GRM5: variants seen among roughly 807,000 people sequenced by gnomAD.
GRM5 encodes the protein metabotropic glutamate receptor 5.
A neutral mutation model predicts 83.1 loss-of-function variants in GRM5; 19 were observed. The observed-to-expected ratio is 0.23, with a 90% CI of 0.16 to 0.34. GRM5 has a LOEUF of 0.34. Among genes scored for constraint, GRM5 ranks in the 10% least tolerant of loss-of-function variants. The pLI, the probability that GRM5 is intolerant of heterozygous loss-of-function variation, is 1.00. For synonymous variants in GRM5, 675 were observed against 633.6 expected (o/e 1.07, Z -0.98); for missense variants, 1,160 against 1,588.3 (o/e 0.73, Z 4.58).
intron 3 of GRM5, among the ~76,000 whole-genome samples, chr11:88,824,662 A>G (rs377281452): frequency 2.0e-4 from 31 of 152,224 alleles, no homozygotes; most frequent in African/African-American, 7.5e-4. Flanking sequence ...TAATGCTACC[A>G]CTGATCTGAC....
At chr11:88,744,672 T>C (rs867285767) in intron 3 of GRM5, among the ~76,000 whole-genome samples, 5 of 152,138 alleles carry the variant, frequency 3.3e-5, no homozygotes, top group Non-Finnish European at 7.4e-5. Context: ...TACTGCACCA[T>C]GATGCCTTCC....
At chr11:88,920,644 A>G (rs1175036930) in intron 2 of GRM5, among the ~76,000 whole-genome samples, 1 of 152,206 alleles carries the variant, frequency 6.6e-6, no homozygotes, top group Non-Finnish European at 1.5e-5. Context: ...AAAATGCAGG[A>G]CAATATCTCT....
At position 88,767,648 on chromosome 11, in the gene GRM5, C is replaced by T. The variant is rs139413995; in HGVS notation, c.911+82258G>A. On this transcript the variant is annotated intron_variant, in intron 3 of 9. Coordinates refer to ENST00000305447, the MANE Select transcript of GRM5 (RefSeq NM_001143831.3). ...ACAAGAACACATGGATACTAGGAGG[C>T]GAACAACGGACATTGGGACCTACTT... is the stretch of plus-strand genomic sequence containing the variant. Among the ~76,000 whole-genome samples the T allele has an allele frequency of 6.2e-4, 94 of 151,848 alleles. 1 individual carries two copies. The highest frequency in any genetic ancestry group is 2.1e-3 in the African/African-American group (86 of 41,478).
At chr11:89,022,022 A>G (rs1940997365) in intron 2 of GRM5, among the ~76,000 whole-genome samples, 1 of 152,174 alleles carries the variant, frequency 6.6e-6, no homozygotes, top group Non-Finnish European at 1.5e-5. Flanking sequence ...AAAACAAAAC[A>G]GAGTTTTGTG....
intron 3 of GRM5, among the ~76,000 whole-genome samples, chr11:88,687,501 TACACACAC>T (rs1231774121): frequency 4.2e-5 from 2 of 47,772 alleles, no homozygotes; most frequent in Non-Finnish European, 6.7e-5. Flanking sequence ...AAACAAAAAA[TACACACAC>T]ACACACACAC....
chr11:88,671,244 C>T (rs1280234475), intron 3 of GRM5, among the ~76,000 whole-genome samples: 1 of 151,924 alleles, frequency 6.6e-6, no homozygotes, highest in Non-Finnish European at 1.5e-5. Context: ...AAGATAACCT[C>T]CCCTTCTCCC....
chr11:88,600,182 A>C, intron 5 of GRM5, among the ~76,000 whole-genome samples: 1 of 148,832 alleles, frequency 6.7e-6, no homozygotes, highest in Non-Finnish European at 1.5e-5. Flanking sequence ...TCTCCTTCCC[A>C]TCTCCTTCCT....
intron 3 of GRM5, among the ~76,000 whole-genome samples, chr11:88,703,244 T>C (rs937857008): frequency 6.6e-6 from 1 of 151,998 alleles, no homozygotes; most frequent in Non-Finnish European, 1.5e-5. Context: ...ATAATCAAGA[T>C]CACTAAGACA....
intron 8 of GRM5, among the ~76,000 whole-genome samples, chr11:88,543,463 C>T (rs977041927): frequency 2.0e-5 from 3 of 151,962 alleles, no homozygotes; most frequent in Admixed American, 2.0e-4. Context: ...ATGTATGTAT[C>T]CCAGTGCCCA....
At chr11:88,753,238 G>A (rs1009562600) in intron 3 of GRM5, among the ~76,000 whole-genome samples, 5 of 151,952 alleles carry the variant, frequency 3.3e-5, no homozygotes, top group Admixed American at 2.6e-4. Flanking sequence ...ATTCTACAAG[G>A]AACTTAAACA....
At position 88,806,234 on chromosome 11, in the gene GRM5, C is replaced by T. The variant is rs199703527; in HGVS notation, c.911+43672G>A. ...AAGAGATTCTGATTCAGTAGGTCCA[C>T]AGGGAGGAGGAGAGCAAGAAAATGT... On this transcript the variant is annotated intron_variant, in intron 3 of 9. Transcript: ENST00000305447. 5.9e-5 allele frequency among the ~76,000 whole-genome samples: 9 copies of T among 152,256 alleles called. No homozygotes were observed. In the East Asian group the frequency reaches 9.6e-4, roughly 16 times the overall value.
At chr11:88,783,915 A>G (rs1943019984) in intron 3 of GRM5, among the ~76,000 whole-genome samples, 1 of 152,046 alleles carries the variant, frequency 6.6e-6, no homozygotes, top group Non-Finnish European at 1.5e-5. Context: ...GATCCCATAA[A>G]TCTGCTAGCA....
intron 4 of GRM5, among the ~76,000 whole-genome samples, chr11:88,643,245 A>G (rs544610670): frequency 7.3e-6 from 1 of 136,482 alleles, no homozygotes; most frequent in Admixed American, 7.8e-5. Context: ...AGCAAAAGAC[A>G]GAGTAGGGTA....
intron 2 of GRM5, among the ~76,000 whole-genome samples, chr11:89,034,436 A>T (rs1305002752): frequency 6.6e-6 from 1 of 151,928 alleles, no homozygotes; most frequent in African/African-American, 2.4e-5. Flanking sequence ...CTTGCCATAT[A>T]GATAACTTTG....
chr11:88,805,335 G>C (rs1018314045), intron 3 of GRM5, among the ~76,000 whole-genome samples: 15 of 152,066 alleles, frequency 9.9e-5, no homozygotes, highest in Non-Finnish European at 7.4e-5. Context: ...GAGATTACAG[G>C]CATGCGCCAC....
At chr11:88,958,261 T>C (rs1366305746) in intron 2 of GRM5, among the ~76,000 whole-genome samples, 1 of 150,286 alleles carries the variant, frequency 6.7e-6, no homozygotes, top group African/African-American at 2.4e-5. Flanking sequence ...ATATATATAA[T>C]GTATATGAAT....
At chr11:88,816,500 C>G (rs1160781099) in intron 3 of GRM5, among the ~76,000 whole-genome samples, 2 of 144,896 alleles carry the variant, frequency 1.4e-5, no homozygotes, top group Non-Finnish European at 3.0e-5. Flanking sequence ...GATCATGCCA[C>G]TGCACTCCAG....
At chr11:88,686,571 CA>C (rs1174759054) in intron 3 of GRM5, among the ~76,000 whole-genome samples, 1 of 152,056 alleles carries the variant, frequency 6.6e-6, no homozygotes, top group Non-Finnish European at 1.5e-5. Context: ...TGTCTCCACC[CA>C]AATCTCATCT....
intron 2 of GRM5, among the ~76,000 whole-genome samples, chr11:89,046,351 T>C (rs1256651270): frequency 6.6e-6 from 1 of 152,190 alleles, no homozygotes; most frequent in Non-Finnish European, 1.5e-5. Context: ...TTCTTCAGTA[T>C]TCTATAGTGT....
Sources: gnomAD v4.1 joint callset for allele counts (sites outside exome capture counted in the v4.1 genomes callset) on GRCh38, gnomAD v4.1.1 for gene constraint, MANE v1.5 for transcripts, NCBI Gene and HGNC (gene_info 2026-07-23, HGNC 2026-07-21) for gene names.